Variants in MBNL1 observed in about 807,000 individuals in gnomAD.
The protein encoded by MBNL1 is muscleblind-like protein 1.
In MBNL1, 8 loss-of-function variants were observed where a neutral mutation model predicts 42.2. The ratio of observed to expected loss-of-function variants is 0.19; its 90% CI spans 0.11 to 0.34. The LOEUF (loss-of-function observed/expected upper bound fraction) is 0.34. MBNL1 is among the 10% of genes least tolerant of loss of function. The pLI is 1.00. For missense variants in MBNL1, 309 were observed against 495.3 expected (o/e 0.62, Z 3.57); for synonymous variants, 169 against 173.9 (o/e 0.97, Z 0.22).
rs550864635 is a variant in MBNL1 at position 152,437,660 on chromosome 3, A to G, written c.549+4740A>G. Among the ~76,000 whole-genome samples, 267 of 152,292 alleles carry G rather than the reference A, an allele frequency of 1.8e-3. 2 individuals are homozygous for G. The highest frequency in any genetic ancestry group is 6.0e-3 in the African/African-American group (249 of 41,546). On this transcript the variant is annotated intron_variant, in intron 4 of 9. Coordinates refer to ENST00000324210, the MANE Select transcript of MBNL1 (RefSeq NM_021038.5). ...ACATATATCTATAAGCATATATTAC[A>G]TATATCACATATACACACAACATGA...
chr3:152,297,254 G>GTTTTTTTGT (rs1450631544), intron 1 of MBNL1, among the ~76,000 whole-genome samples: 7 of 101,492 alleles, frequency 6.9e-5, no homozygotes, highest in Non-Finnish European at 1.4e-4. Flanking sequence ...CTGGACCTTT[G>GTTTTTTTGT]TTTTTTTTTT....
chr3:152,324,059 A>T (rs1177357559), intron 2 of MBNL1, among the ~76,000 whole-genome samples: 6 of 152,114 alleles, frequency 3.9e-5, no homozygotes, highest in Non-Finnish European at 7.4e-5. Context: ...TTCATTTTCA[A>T]CTTCTCTAGT....
chr3:152,329,608 A>T (rs2082729603), intron 2 of MBNL1, among the ~76,000 whole-genome samples: 1 of 150,542 alleles, frequency 6.6e-6, no homozygotes, highest in African/African-American at 2.4e-5. Flanking sequence ...ATGATCAGCC[A>T]TTGCACTCCA....
chr3:152,444,471 A>G (rs758277472), intron 4 of MBNL1, among the ~76,000 whole-genome samples: 6 of 152,232 alleles, frequency 3.9e-5, no homozygotes, highest in Non-Finnish European at 8.8e-5. Context: ...ACATTTTCAT[A>G]AAAAGCTATC....
chr3:152,366,369 G>A (rs2096370201), intron 2 of MBNL1, among the ~76,000 whole-genome samples: 1 of 151,980 alleles, frequency 6.6e-6, no homozygotes, highest in Non-Finnish European at 1.5e-5. Context: ...GATTTTTATA[G>A]CACTTAATGT....
intron 2 of MBNL1, among the ~76,000 whole-genome samples, chr3:152,325,087 G>GCCCCCCCCCCCCCCCCCCCC (rs532842950): frequency 6.5e-5 from 1 of 15,368 alleles, no homozygotes; most frequent in Non-Finnish European, 1.4e-4. Flanking sequence ...CCACATACCC[G>GCCCCCCCCCCCCCCCCCCCC]CCCCCCCCCG....
At chr3:152,337,827 TAA>T (rs917982812) in intron 2 of MBNL1, among the ~76,000 whole-genome samples, 10 of 152,192 alleles carry the variant, frequency 6.6e-5, no homozygotes, top group East Asian at 3.8e-4. Context: ...CAGAAAGTGA[TAA>T]GTTTGATAAA....
chr3:152,328,076 A>G (rs1053094333), intron 2 of MBNL1, among the ~76,000 whole-genome samples: 1 of 152,142 alleles, frequency 6.6e-6, no homozygotes, highest in African/African-American at 2.4e-5. Flanking sequence ...CAACATTTGA[A>G]TTTAATTTGA....
At chr3:152,327,601 G>A (rs2081236863) in intron 2 of MBNL1, among the ~76,000 whole-genome samples, 1 of 152,044 alleles carries the variant, frequency 6.6e-6, no homozygotes, top group Middle Eastern at 3.2e-3. Flanking sequence ...TGTCTGCCTT[G>A]GCCTCCCAAA....
At chr3:152,443,109 A>G (rs570524369) in intron 4 of MBNL1, among the ~76,000 whole-genome samples, 41 of 152,102 alleles carry the variant, frequency 2.7e-4, no homozygotes, top group Non-Finnish European at 5.6e-4. Context: ...TATTTTTAGA[A>G]TTCTTTCTAA....
chr3:152,315,916 C>T (rs12486405), intron 2 of MBNL1, among the ~76,000 whole-genome samples: 46,126 of 151,814 alleles, frequency 0.3, 7,350 homozygotes, highest in East Asian at 0.49. Context: ...CACATATGCG[C>T]GCGCACACAC....
At position 152,397,637 on chromosome 3, in the gene MBNL1, AACTTT is replaced by A. The variant is rs540370998; in HGVS notation, c.175-17299_175-17295del. On this transcript the variant is annotated intron_variant, in intron 2 of 9. Transcript: ENST00000324210. ...AATAATAAAGCGCTGATAATCTGTA[AACTTT>A]ACTTGAATCTATTTAAAGTATTTCT... is the stretch of plus-strand genomic sequence containing the variant. Among the ~76,000 whole-genome samples, 12 of 152,254 alleles carry A rather than the reference AACTTT, an allele frequency of 7.9e-5. No individual in the cohort carries two copies. The East Asian group carries it at 2.3e-3, about 29-fold the overall frequency.
At chr3:152,352,468 T>C (rs1024069259) in intron 2 of MBNL1, among the ~76,000 whole-genome samples, 1 of 152,196 alleles carries the variant, frequency 6.6e-6, no homozygotes, top group African/African-American at 2.4e-5. Context: ...CACTCTTTAG[T>C]GTAGACTCTC....
chr3:152,304,087 G>A (rs1368386987), intron 2 of MBNL1, among the ~76,000 whole-genome samples: 1 of 152,146 alleles, frequency 6.6e-6, no homozygotes, highest in Non-Finnish European at 1.5e-5. Context: ...GTTTTAAAGA[G>A]CCTCTGCAGG....
intron 2 of MBNL1, among the ~76,000 whole-genome samples, chr3:152,346,797 A>G (rs2152927628): frequency 6.6e-6 from 1 of 152,028 alleles, no homozygotes; most frequent in East Asian, 1.9e-4. Context: ...CTTGGGTTGG[A>G]AAGCTCTCAT....
rs76465541 is a variant in MBNL1 at position 152,269,916 on chromosome 3, C to CT, written c.-790+840dup. ...GGACAAATATGTAGCCACCCCCCAA[C>CT]TTTTTTTTTTTTTTTTAAACGGAGC... On this transcript the variant is annotated intron_variant, in intron 1 of 9. Coordinates refer to ENST00000324210, the MANE Select transcript of MBNL1 (RefSeq NM_021038.5). 218 of 101,380 alleles carry CT rather than the reference C, an allele frequency of 2.2e-3. 6 individuals are homozygous for CT. Among genetic ancestry groups the CT allele is most frequent in the South Asian group, 9.5e-3 (32 of 3,382 alleles). 6.3% of individuals were successfully genotyped at this position (101,380 alleles called of 1,614,324 possible). A position where few individuals can be genotyped will look rare whatever the true frequency, so the allele number is the denominator to read the frequency against.
chr3:152,415,191 G>A lies in MBNL1; in HGVS notation c.345+80G>A, dbSNP rs374307791. ...GTAGTACTAAAGTGATTATTGCACCGGATCAAATGAACACAGGCAACAATT... is the reference window on the plus strand; with the variant it reads ...GTAGTACTAAAGTGATTATTGCACCAGATCAAATGAACACAGGCAACAATT... On this transcript the variant is annotated intron_variant, in intron 3 of 9. Coordinates refer to ENST00000324210, the MANE Select transcript of MBNL1 (RefSeq NM_021038.5). The A allele has an allele frequency of 4.1e-5, 54 of 1,301,582 alleles. No homozygotes were observed. The East Asian group carries it at 4.4e-4, about 11-fold the overall frequency. The allele number at this position is 1,301,582 out of a possible 1,614,324, so 80.6% of individuals were successfully genotyped here.
At chr3:152,277,783 A>C (rs920592014) in intron 1 of MBNL1, among the ~76,000 whole-genome samples, 1 of 152,110 alleles carries the variant, frequency 6.6e-6, no homozygotes, top group Non-Finnish European at 1.5e-5. Flanking sequence ...TACAGAGAAA[A>C]ATTCCCATGA....
chr3:152,250,977 A>T (rs2034428185), intron 2 of MBNL1, among the ~76,000 whole-genome samples: 1 of 152,108 alleles, frequency 6.6e-6, no homozygotes, highest in East Asian at 1.9e-4. Flanking sequence ...AGCACATCAA[A>T]AAGCTTATCC....
Sources: allele counts gnomAD v4.1 joint callset (sites outside exome capture counted in the v4.1 genomes callset), GRCh38; gene constraint gnomAD v4.1.1; transcripts MANE v1.5; gene names NCBI Gene and HGNC (gene_info 2026-07-23, HGNC 2026-07-21).